The following CASP2 variants were observed in gnomAD, a reference collection of about 807,000 sequenced individuals.
The protein encoded by CASP2 is caspase 2.
Under a neutral mutation model 54.4 loss-of-function variants are expected in CASP2, and 38 were observed. The ratio of observed to expected loss-of-function variants is 0.70; its 90% confidence interval spans 0.54 to 0.92. The LOEUF (loss-of-function observed/expected upper bound fraction) is 0.92. Ranked by LOEUF, CASP2 falls within the 40% of genes least tolerant of loss-of-function variation. The pLI, the probability that CASP2 is intolerant of heterozygous loss-of-function variation, is 0.00. For missense variants in CASP2, 512 were observed against 579.6 expected, an observed-to-expected ratio of 0.88 and a Z score of 1.20; for synonymous variants, 215 against 216.3, an observed-to-expected ratio of 0.99 and a Z score of 0.05.
chr7:143,288,423 G>T lies in CASP2; in HGVS notation c.-33G>T, dbSNP rs781607461. 6.2e-7 allele frequency: 1 copy of T among 1,607,850 alleles called. No homozygotes were observed. On this transcript the variant is annotated 5_prime_UTR_variant, in exon 1 of 11. Coordinates refer to ENST00000310447, the MANE Select transcript of CASP2 (RefSeq NM_032982.4). Reference sequence around the variant, plus strand: ...CCCCCGGTTTGTTTGGGCTGTGGGCGGTGCGCAGCGGAGAGCCCGGGAAAA... The same window carrying T: ...CCCCCGGTTTGTTTGGGCTGTGGGCTGTGCGCAGCGGAGAGCCCGGGAAAA...
At chr7:143,294,379 C>A in intron 5 of CASP2, 55 bp downstream of exon 5, 1 of 1,262,700 alleles carries the variant, frequency 7.9e-7, no homozygotes, top group Non-Finnish European at 1.2e-6. Flanking sequence ...GACACCCTTC[C>A]TGGGAACCTG....
intron 6 of CASP2, among the ~76,000 whole-genome samples, chr7:143,295,271 G>A (rs1444796640): frequency 1.1e-4 from 16 of 152,058 alleles, no homozygotes; most frequent in African/African-American, 3.4e-4. Flanking sequence ...CAGGTGATCC[G>A]TCCCCCTCGG....
rs1399761547 is a variant in CASP2, at chr7:143,288,516, G to A, written c.61G>A (p.Asp21Asn). 1 of 1,613,304 alleles carries A rather than the reference G, an allele frequency of 6.2e-7. No individual in the cohort carries two copies. The highest frequency in any genetic ancestry group is 1.3e-5 in the African/African-American group (1 of 75,048). The change falls in exon 1 of 11, where the codon GAC becomes AAC. Residue 21 changes from aspartate to asparagine, a missense_variant. By Grantham distance (23) the Asp-to-Asn change is conservative. Coordinates refer to ENST00000310447, the MANE Select transcript of CASP2 (RefSeq NM_032982.4). ...CCAGCACAAGGAGCTGATGGCCGCT[G>A]ACAGGGGACGCAGGTAAGTAGGGAA... ...TFQHKELMAA[D>N]RGRRILGVCG...
At chr7:143,300,879 A>T (rs536734027) in intron 8 of CASP2, 1 of 1,097,736 alleles carries the variant, frequency 9.1e-7, no homozygotes, top group East Asian at 7.2e-5. Flanking sequence ...AGTCTGTTTT[A>T]CTCCTTTAAG....
At position 143,288,473 on chromosome 7, in the gene CASP2, G is replaced by C; in HGVS notation, c.18G>C (p.Ala6=). 1.2e-6 allele frequency: 2 copies of C among 1,613,210 alleles called. No individual in the cohort carries two copies. The highest frequency in any genetic ancestry group is 1.7e-6 in the Non-Finnish European group (2 of 1,179,682). The change falls in exon 1 of 11, where the codon GCG becomes GCC. Residue 6 remains alanine, a synonymous_variant. Coordinates refer to ENST00000310447, the MANE Select transcript of CASP2 (RefSeq NM_032982.4). The part of the protein sequence containing the change: MAAPS[A]GSWSTFQHKE... Reference sequence around the variant, plus strand: ...AGCGGGAAATGGCGGCGCCGAGCGCGGGGTCTTGGTCCACCTTCCAGCACA... The same window carrying C: ...AGCGGGAAATGGCGGCGCCGAGCGCCGGGTCTTGGTCCACCTTCCAGCACA...
chr7:143,288,663 T>G, intron 1 of CASP2, 134 bp downstream of exon 1: 1 of 836,130 alleles, frequency 1.2e-6, no homozygotes. Context: ...CTGCCAAGGG[T>G]GGGACGCCCG....
chr7:143,291,549 AGT>A lies in CASP2; in HGVS notation c.90_91del (p.Cys30TrpfsTer63). ...AADRGRRILG[V>X]CGMHPHHQET... The stretch of plus-strand genomic sequence containing the variant: ...TACCGTTTATCTGTAGGATATTGGG[AGT>A]GTGTGGCATGCATCCTCATCATCAG... On this transcript the variant is annotated frameshift_variant, in exon 2 of 11. Coordinates refer to ENST00000310447, the MANE Select transcript of CASP2 (RefSeq NM_032982.4). LOFTEE classifies it high-confidence loss of function. 6.2e-7 allele frequency: 1 copy of A among 1,613,990 alleles called. No individual in the cohort carries two copies. Among genetic ancestry groups the A allele is most frequent in the East Asian group, 2.2e-5 (1 of 44,864 alleles).
intron 2 of CASP2, among the ~76,000 whole-genome samples, chr7:143,292,082 G>A (rs1055111260): frequency 2.6e-5 from 4 of 151,954 alleles, no homozygotes; most frequent in African/African-American, 9.7e-5. Context: ...CCAGCTGGAT[G>A]TTGTACCTTT....
intron 10 of CASP2, 78 bp from the exon 11 acceptor site, chr7:143,304,862 T>C (rs371159890): frequency 1.2e-6 from 2 of 1,609,540 alleles, no homozygotes; most frequent in African/African-American, 2.7e-5. Flanking sequence ...TCTTTCATAG[T>C]CCGTCTCCCC....
chr7:143,297,509 C>T (rs180905033), intron 6 of CASP2, among the ~76,000 whole-genome samples: 14 of 152,246 alleles, frequency 9.2e-5, no homozygotes, highest in African/African-American at 3.1e-4. Flanking sequence ...TGCAATGGCG[C>T]GATCTGGGCT....
intron 2 of CASP2, 93 bp downstream of exon 2, chr7:143,291,783 T>A: frequency 1.2e-6 from 1 of 807,070 alleles, no homozygotes; most frequent in Non-Finnish European, 1.8e-6. Context: ...TTTCTTCCTT[T>A]TTTTTTTTTT....
chr7:143,299,359 ATCC>A (rs1399781263), intron 6 of CASP2, among the ~76,000 whole-genome samples: 3 of 152,284 alleles, frequency 2.0e-5, no homozygotes, highest in Admixed American at 6.5e-5. Flanking sequence ...CCTGTACAGA[ATCC>A]TCCTTCATAG....
intron 8 of CASP2, 65 bp downstream of exon 8, chr7:143,300,359 T>C: frequency 1.2e-6 from 2 of 1,606,220 alleles, no homozygotes. Context: ...CAGCTCTCAC[T>C]TTCCTGTTTG....
chr7:143,303,645 A>G, intron 8 of CASP2, 139 bp from the exon 9 acceptor site: 1 of 608,626 alleles, frequency 1.6e-6, no homozygotes, highest in African/African-American at 2.0e-5. Flanking sequence ...TTTTTAGTTT[A>G]TCAGCCATAG....
intron 6 of CASP2, among the ~76,000 whole-genome samples, chr7:143,295,516 T>G (rs1019061360): frequency 6.6e-6 from 1 of 152,238 alleles, no homozygotes; most frequent in Non-Finnish European, 1.5e-5. Context: ...ATTTGTAGAT[T>G]CATATTCACT....
At chr7:143,294,421 C>A in intron 5 of CASP2, 97 bp downstream of exon 5, 2 of 1,063,726 alleles carry the variant, frequency 1.9e-6, no homozygotes, top group South Asian at 1.3e-5. Flanking sequence ...TCCTTTCTGC[C>A]TTATTAGTCA....
intron 1 of CASP2, among the ~76,000 whole-genome samples, chr7:143,290,185 C>T (rs975822869): frequency 1.3e-5 from 2 of 151,662 alleles, no homozygotes; most frequent in African/African-American, 2.4e-5. Context: ...CTCAGCCTCC[C>T]GAGTAGCTAG....
chr7:143,291,142 A>G (rs1476138391), intron 1 of CASP2, among the ~76,000 whole-genome samples: 4 of 152,246 alleles, frequency 2.6e-5, no homozygotes, highest in Non-Finnish European at 4.4e-5. Context: ...TAAGATCATT[A>G]TAAACTTACA....
chr7:143,305,673 T>C lies in CASP2; in HGVS notation c.*602T>C, dbSNP rs183528359. ...GCGCCACCCAGTGGAAGGACACTCT[T>C]GGCTCGTTTGGGCTCAAGGCACCGC... On this transcript the variant is annotated 3_prime_UTR_variant, in exon 11 of 11. Coordinates refer to ENST00000310447, the MANE Select transcript of CASP2 (RefSeq NM_032982.4). The C allele has an allele frequency of 2.4e-5, 4 of 165,972 alleles. No homozygotes were observed. The highest frequency in any genetic ancestry group is 5.3e-5 in the Non-Finnish European group (4 of 74,852). The allele number at this position is 165,972 out of a possible 1,614,324, so 10.3% of individuals were successfully genotyped here. A position where few individuals can be genotyped will look rare whatever the true frequency, so the allele number is the denominator to read the frequency against.
Sources: gnomAD v4.1 joint callset for allele counts (sites outside exome capture counted in the v4.1 genomes callset) on GRCh38, gnomAD v4.1.1 for gene constraint, MANE v1.5 for transcripts, NCBI Gene and HGNC (gene_info 2026-07-23, HGNC 2026-07-21) for gene names.